LRRC4C: variants seen among roughly 807,000 people sequenced by gnomAD.
LRRC4C encodes leucine rich repeat containing 4C.
Under a neutral mutation model 33.6 loss-of-function variants are expected in LRRC4C, and 5 were observed. The ratio of observed to expected loss-of-function variants is 0.15; its 90% CI spans 0.08 to 0.31. The LOEUF is 0.31. LRRC4C is among the 10% of genes least tolerant of loss of function. The pLI is 1.00. For missense variants in LRRC4C, 560 were observed against 796.7 expected (o/e 0.70, Z 3.58); for synonymous variants, 329 against 302.0 (o/e 1.09, Z -0.93).
chr11:40,533,086 G>A (rs1956336491), intron 3 of LRRC4C, among the ~76,000 whole-genome samples: 1 of 151,992 alleles, frequency 6.6e-6, no homozygotes, highest in African/African-American at 2.4e-5. Context: ...TGGAGATTAT[G>A]GGAATTACAA....
intron 2 of LRRC4C, among the ~76,000 whole-genome samples, chr11:40,783,808 T>C (rs1409114167): frequency 6.6e-6 from 1 of 152,154 alleles, no homozygotes; most frequent in Non-Finnish European, 1.5e-5. Flanking sequence ...GAGTAATTTT[T>C]GGTAATAGGA....
chr11:40,301,299 C>A (rs553572914), intron 4 of LRRC4C, among the ~76,000 whole-genome samples: 4 of 152,300 alleles, frequency 2.6e-5, no homozygotes, highest in African/African-American at 7.2e-5. Context: ...TTTAAAAACA[C>A]AATCTCCTTT....
intron 1 of LRRC4C, among the ~76,000 whole-genome samples, chr11:41,240,869 A>T (rs1278189767): frequency 1.3e-5 from 2 of 152,180 alleles, no homozygotes; most frequent in Admixed American, 1.3e-4. Context: ...CAGTAAAAAA[A>T]ATAGAGCTTT....
At chr11:41,372,123 C>T (rs999528481) in intron 1 of LRRC4C, among the ~76,000 whole-genome samples, 9 of 152,068 alleles carry the variant, frequency 5.9e-5, no homozygotes, top group African/African-American at 1.7e-4. Context: ...GGCACCTGGG[C>T]GACTGAGCGA....
In LRRC4C at chr11:40,115,952, G is replaced by T; in HGVS notation, c.341C>A (p.Thr114Asn). The change falls in exon 7 of 7, where the codon ACC (threonine) becomes AAC (asparagine). Residue 114 changes from threonine to asparagine, a missense_variant. By Grantham distance (65) the Thr-to-Asn change is moderately conservative. This residue lies in a region of LRRC4C where 455 missense variants were observed against 643.8 expected (regional missense o/e 0.71). Coordinates refer to ENST00000528697, the MANE Select transcript of LRRC4C (RefSeq NM_001258419.2). The surrounding 1 kb of genome is among the most constrained non-coding windows in gnomAD (Gnocchi z 6.7). ...ILQLSRNHIR[T>N]IEIGAFNGLA... Reference sequence around the variant, plus strand: ...ACCATTGAAAGCCCCAATTTCAATGGTTCTGATATGGTTCCTACTCAACTG... The same window carrying T: ...ACCATTGAAAGCCCCAATTTCAATGTTTCTGATATGGTTCCTACTCAACTG... 6.2e-7 allele frequency: 1 copy of T among 1,614,104 alleles called. No homozygotes were observed. Among genetic ancestry groups the T allele is most frequent in the Non-Finnish European group, 8.5e-7 (1 of 1,180,030 alleles).
intron 3 of LRRC4C, chr11:40,445,306 T>A (rs1170436879): frequency 6.6e-6 from 1 of 152,454 alleles, no homozygotes; most frequent in East Asian, 1.9e-4. Flanking sequence ...AGTCATAATG[T>A]CTGGCAAAAG....
chr11:41,398,737 T>G (rs1252497296), intron 1 of LRRC4C, among the ~76,000 whole-genome samples: 1 of 151,948 alleles, frequency 6.6e-6, no homozygotes, highest in Non-Finnish European at 1.5e-5. Context: ...ATGATAACTA[T>G]ATTTATAATA....
chr11:41,279,345 C>A (rs942109561), intron 1 of LRRC4C, among the ~76,000 whole-genome samples: 2 of 148,986 alleles, frequency 1.3e-5, no homozygotes, highest in African/African-American at 4.9e-5. Context: ...GAATACCACT[C>A]ATCTCTCATT....
intron 5 of LRRC4C, among the ~76,000 whole-genome samples, chr11:40,220,847 T>G (rs1864356271): frequency 6.7e-6 from 1 of 150,062 alleles, no homozygotes; most frequent in African/African-American, 2.4e-5. Flanking sequence ...AAAATTTTTT[T>G]TCAGCCTATT....
intron 2 of LRRC4C, among the ~76,000 whole-genome samples, chr11:40,660,214 C>T (rs551564655): frequency 1.3e-5 from 2 of 152,342 alleles, no homozygotes; most frequent in South Asian, 4.1e-4. Flanking sequence ...AGCTGGTGTG[C>T]CTGGCAGTGT....
chr11:41,386,441 A>G (rs1417829514), intron 1 of LRRC4C, among the ~76,000 whole-genome samples: 1 of 151,842 alleles, frequency 6.6e-6, no homozygotes, highest in East Asian at 1.9e-4. Context: ...CACTATTACA[A>G]CTAAGAAACT....
At chr11:40,723,662 A>G (rs889301619) in intron 2 of LRRC4C, among the ~76,000 whole-genome samples, 18 of 152,308 alleles carry the variant, frequency 1.2e-4, no homozygotes, top group African/African-American at 3.8e-4. Flanking sequence ...AAACATACAT[A>G]AGTACATTAC....
intron 1 of LRRC4C, among the ~76,000 whole-genome samples, chr11:41,410,597 C>T (rs1393809036): frequency 6.6e-6 from 1 of 151,698 alleles, no homozygotes; most frequent in Non-Finnish European, 1.5e-5. Flanking sequence ...CCCGCCATCA[C>T]GCCCAGCTAA....
intron 1 of LRRC4C, among the ~76,000 whole-genome samples, chr11:41,079,493 A>C (rs1002370008): frequency 4.6e-5 from 7 of 152,198 alleles, no homozygotes; most frequent in African/African-American, 1.7e-4. Flanking sequence ...CTGCTATACA[A>C]ATGCCTTATG....
At chr11:40,706,410 T>G (rs1000749782) in intron 2 of LRRC4C, among the ~76,000 whole-genome samples, 21 of 152,180 alleles carry the variant, frequency 1.4e-4, no homozygotes, top group African/African-American at 5.1e-4. Flanking sequence ...AGGGATCCAG[T>G]TTCAGCTTTC....
At chr11:41,331,023 G>T (rs183067488) in intron 1 of LRRC4C, among the ~76,000 whole-genome samples, 58 of 152,082 alleles carry the variant, frequency 3.8e-4, no homozygotes, top group African/African-American at 1.4e-3. Context: ...TTCCTCCTTG[G>T]ATAAAATCTA....
At chr11:40,839,653 G>T (rs1178307593) in intron 2 of LRRC4C, among the ~76,000 whole-genome samples, 1 of 152,172 alleles carries the variant, frequency 6.6e-6, no homozygotes. Context: ...AAGAAGGAGA[G>T]TCATTATTCT....
chr11:40,984,892 A>ATTTTTT (rs1352712808), intron 1 of LRRC4C, among the ~76,000 whole-genome samples: 11 of 24,644 alleles, frequency 4.5e-4, no homozygotes, highest in South Asian at 1.7e-3. Flanking sequence ...TCTCACTGAC[A>ATTTTTT]CTTTTTTTTT....
intron 2 of LRRC4C, among the ~76,000 whole-genome samples, chr11:40,740,008 T>C (rs1027342202): frequency 7.2e-5 from 11 of 151,828 alleles, no homozygotes; most frequent in African/African-American, 1.9e-4. Flanking sequence ...TTTATACAAA[T>C]ATGGCATAAT....
Sources: gnomAD v4.1 joint callset for allele counts (sites outside exome capture counted in the v4.1 genomes callset) on GRCh38, gnomAD v4.1.1 for gene constraint, gnomAD v4.1.1 regional missense constraint, Gnocchi (gnomAD v3.1) non-coding constraint, MANE v1.5 for transcripts, NCBI Gene and HGNC (gene_info 2026-07-23, HGNC 2026-07-21) for gene names.